Variants in HEMK2 observed in about 807,000 individuals in gnomAD.
HEMK2 encodes the protein HemK methyltransferase 2, ETF1 glutamine and histone H4 lysine, also known as methyltransferase HEMK2.
At chr21:28,766,209 T>C in the HEMK2 span, among the ~76,000 whole-genome samples, 1 of 151,938 alleles carries the variant, frequency 6.6e-6, no homozygotes, top group Non-Finnish European at 1.5e-5. Flanking sequence ...ATGTAAATGA[T>C]GAGTTGATGG....
At chr21:28,742,826 T>G in the HEMK2 span, among the ~76,000 whole-genome samples, 1 of 152,112 alleles carries the variant, frequency 6.6e-6, no homozygotes, top group South Asian at 2.1e-4. Context: ...CACATATCTA[T>G]TTATTGAGGG....
the HEMK2 span, among the ~76,000 whole-genome samples, chr21:28,862,184 C>T: frequency 6.6e-6 from 1 of 152,022 alleles, no homozygotes; most frequent in Non-Finnish European, 1.5e-5. Flanking sequence ...ATTACCATGC[C>T]CTGTGATTAA....
chr21:28,766,073 AT>A, the HEMK2 span, among the ~76,000 whole-genome samples: 1 of 152,008 alleles, frequency 6.6e-6, no homozygotes, highest in Non-Finnish European at 1.5e-5. Context: ...CAAACACCAC[AT>A]GTTCTCACTC....
At chr21:28,785,653 A>AAT in the HEMK2 span, among the ~76,000 whole-genome samples, 1 of 152,214 alleles carries the variant, frequency 6.6e-6, no homozygotes, top group Non-Finnish European at 1.5e-5. Flanking sequence ...TCACTATGTG[A>AAT]ATATGCCCAG....
At chr21:28,838,619 C>A in the HEMK2 span, among the ~76,000 whole-genome samples, 1 of 150,588 alleles carries the variant, frequency 6.6e-6, no homozygotes, top group African/African-American at 2.4e-5. Flanking sequence ...TAACAAAATA[C>A]GAACTAACTG....
the HEMK2 span, among the ~76,000 whole-genome samples, chr21:28,750,393 TCA>T: frequency 3.3e-5 from 5 of 152,252 alleles, no homozygotes; most frequent in South Asian, 1.0e-3. Context: ...CAAACCCATT[TCA>T]CAGAGTAGAA....
chr21:28,882,284 T>C, the HEMK2 span: 6 of 1,521,544 alleles, frequency 3.9e-6, no homozygotes, highest in Non-Finnish European at 5.5e-6. Context: ...CTATATCCTA[T>C]GTCCATAAGG....
the HEMK2 span, among the ~76,000 whole-genome samples, chr21:28,831,473 A>AGAAAGAAAGAG: frequency 2.4e-4 from 10 of 42,062 alleles, no homozygotes; most frequent in Non-Finnish European, 3.7e-4. Flanking sequence ...GAAAGAAAGA[A>AGAAAGAAAGAG]AGAAAGAAAG....
chr21:28,748,152 T>C, the HEMK2 span, among the ~76,000 whole-genome samples: 3 of 152,218 alleles, frequency 2.0e-5, no homozygotes, highest in Non-Finnish European at 4.4e-5. Flanking sequence ...AAAAGCTACC[T>C]ATTGGCTACC....
the HEMK2 span, among the ~76,000 whole-genome samples, chr21:28,684,624 T>G: frequency 3.3e-4 from 51 of 152,318 alleles, no homozygotes; most frequent in African/African-American, 1.2e-3. Context: ...CATTTGGGAT[T>G]TCATCATTTG....
chr21:28,716,613 A>G, the HEMK2 span, among the ~76,000 whole-genome samples: 1 of 152,232 alleles, frequency 6.6e-6, no homozygotes, highest in South Asian at 2.1e-4. Context: ...GATGCTTCTT[A>G]TTTCTTTCTC....
At chr21:28,609,675 T>C in the HEMK2 span, among the ~76,000 whole-genome samples, 1 of 138,982 alleles carries the variant, frequency 7.2e-6, no homozygotes, top group Non-Finnish European at 1.6e-5. Flanking sequence ...ATATAGGATA[T>C]GAATGGAAAA....
chr21:28,671,740 T>TA, the HEMK2 span, among the ~76,000 whole-genome samples: 1 of 152,210 alleles, frequency 6.6e-6, no homozygotes, highest in Non-Finnish European at 1.5e-5. Context: ...TTTACACCCT[T>TA]AGTCACTAGG....
chr21:28,784,787 G>A, the HEMK2 span, among the ~76,000 whole-genome samples: 1 of 152,210 alleles, frequency 6.6e-6, no homozygotes, highest in Non-Finnish European at 1.5e-5. Context: ...CAGGATGTGG[G>A]TAGGGCCAGA....
the HEMK2 span, among the ~76,000 whole-genome samples, chr21:28,743,583 G>A: frequency 6.6e-6 from 1 of 151,124 alleles, no homozygotes; most frequent in East Asian, 1.9e-4. Context: ...GAGAGAAGGT[G>A]AAGGGAGAAT....
chr21:28,786,712 G>A, the HEMK2 span, among the ~76,000 whole-genome samples: 1 of 151,338 alleles, frequency 6.6e-6, no homozygotes, highest in East Asian at 1.9e-4. Context: ...AAACAGAGAT[G>A]TTCTCTGTTG....
the HEMK2 span, among the ~76,000 whole-genome samples, chr21:28,584,074 C>T: frequency 4.6e-5 from 7 of 152,170 alleles, no homozygotes; most frequent in East Asian, 1.3e-3. Flanking sequence ...CCAGTCCTAA[C>T]CTGTACTGAA....
chr21:28,609,795 A>C, the HEMK2 span, among the ~76,000 whole-genome samples: 1 of 152,186 alleles, frequency 6.6e-6, no homozygotes, highest in East Asian at 1.9e-4. Flanking sequence ...AATAGAATAG[A>C]ACAAGGAGAA....
chr21:28,831,542 G>GAAA, the HEMK2 span, among the ~76,000 whole-genome samples: 1 of 58,170 alleles, frequency 1.7e-5, no homozygotes, highest in East Asian at 5.3e-4. Context: ...AAGGAAAGAA[G>GAAA]GAAAGAAGGA....
Sources: allele counts gnomAD v4.1 joint callset (sites outside exome capture counted in the v4.1 genomes callset), GRCh38; gene constraint gnomAD v4.1.1; transcripts MANE v1.5; gene names NCBI Gene and HGNC (gene_info 2026-07-23, HGNC 2026-07-21).